Variants in DCC observed in about 807,000 individuals in gnomAD.
DCC encodes the protein DCC netrin 1 receptor.
In DCC, 58 loss-of-function variants were observed where a neutral mutation model predicts 172.5. That is an observed-to-expected ratio of 0.34 (90% CI 0.27 to 0.42). The LOEUF is 0.42. Ranked by LOEUF, DCC falls within the 10% of genes least tolerant of loss-of-function variation. The probability of loss-of-function intolerance (pLI) is 1.00; values close to 1 mark genes in which losing one functional copy is unlikely to be tolerated. For missense variants in DCC, 1,740 were observed against 1,791.0 expected (o/e 0.97, Z 0.51); for synonymous variants, 709 against 644.5 (o/e 1.10, Z -1.52).
chr18:53,232,182 C>A (rs1410645717), intron 12 of DCC, among the ~76,000 whole-genome samples: 4 of 152,056 alleles, frequency 2.6e-5, no homozygotes, highest in Non-Finnish European at 4.4e-5. Context: ...CTGTCAAGGG[C>A]CCCCCTCCCC....
At chr18:52,995,312 A>G (rs1378439007) in intron 5 of DCC, among the ~76,000 whole-genome samples, 1 of 152,156 alleles carries the variant, frequency 6.6e-6, no homozygotes, top group Non-Finnish European at 1.5e-5. Flanking sequence ...CAGCAGATTT[A>G]AAGTCAGCAG....
intron 27 of DCC, among the ~76,000 whole-genome samples, chr18:53,506,187 C>T (rs1011495561): frequency 3.9e-5 from 6 of 151,970 alleles, no homozygotes; most frequent in Non-Finnish European, 5.9e-5. Flanking sequence ...GGTGGACACT[C>T]GAATGTTGGT....
At chr18:53,366,062 G>T (rs967867753) in intron 15 of DCC, among the ~76,000 whole-genome samples, 1 of 147,110 alleles carries the variant, frequency 6.8e-6, no homozygotes, top group African/African-American at 2.5e-5. Flanking sequence ...ATACTTAATT[G>T]TTTTTTTTTT....
At chr18:52,791,836 C>T (rs540617141) in intron 2 of DCC, among the ~76,000 whole-genome samples, 10 of 152,240 alleles carry the variant, frequency 6.6e-5, no homozygotes, top group South Asian at 6.2e-4. Context: ...ACTTAAAATA[C>T]CCTTACTAAT....
At chr18:53,353,763 T>A (rs2057841036) in intron 15 of DCC, among the ~76,000 whole-genome samples, 1 of 152,198 alleles carries the variant, frequency 6.6e-6, no homozygotes, top group Admixed American at 6.5e-5. Flanking sequence ...CTATTGCACT[T>A]GTTCTTTTTT....
chr18:52,968,930 C>T (rs2040978571), intron 5 of DCC, among the ~76,000 whole-genome samples: 1 of 151,958 alleles, frequency 6.6e-6, no homozygotes, highest in Non-Finnish European at 1.5e-5. Flanking sequence ...TCAGGCAACC[C>T]TAAATTTCCC....
intron 1 of DCC, among the ~76,000 whole-genome samples, chr18:52,390,471 T>C (rs1985988692): frequency 6.6e-6 from 1 of 152,078 alleles, no homozygotes; most frequent in Admixed American, 6.5e-5. Flanking sequence ...TCATTGAACA[T>C]TTTTACCCTA....
intron 1 of DCC, among the ~76,000 whole-genome samples, chr18:52,709,246 G>A (rs548241371): frequency 5.9e-5 from 9 of 152,260 alleles, no homozygotes; most frequent in Admixed American, 1.3e-4. Context: ...TGTATAATCC[G>A]TATTTGATAT....
intron 12 of DCC, among the ~76,000 whole-genome samples, chr18:53,268,996 A>G (rs768680645): frequency 1.3e-5 from 2 of 152,188 alleles, no homozygotes; most frequent in South Asian, 2.1e-4. Context: ...AATATTGTCC[A>G]TTAGTGAACA....
At chr18:52,534,695 A>G (rs535975589) in intron 1 of DCC, among the ~76,000 whole-genome samples, 1 of 152,274 alleles carries the variant, frequency 6.6e-6, no homozygotes, top group East Asian at 1.9e-4. Flanking sequence ...TATTTTTAAT[A>G]CTTATTTTCT....
intron 1 of DCC, among the ~76,000 whole-genome samples, chr18:52,725,162 C>T (rs548110072): frequency 1.3e-5 from 2 of 152,270 alleles, no homozygotes; most frequent in East Asian, 3.9e-4. Context: ...GAGGCTCAGG[C>T]ACCTTTTTCA....
At chr18:52,786,984 G>A (rs1223340917) in intron 2 of DCC, among the ~76,000 whole-genome samples, 1 of 152,126 alleles carries the variant, frequency 6.6e-6, no homozygotes, top group African/African-American at 2.4e-5. Flanking sequence ...TAAGTTAAGA[G>A]TACTCACAGA....
intron 1 of DCC, among the ~76,000 whole-genome samples, chr18:52,394,266 GATT>G (rs911725145): frequency 1.3e-5 from 2 of 151,668 alleles, no homozygotes; most frequent in African/African-American, 2.4e-5. Flanking sequence ...TTAGGATGAT[GATT>G]ATTATTATTA....
chr18:53,084,265 T>C (rs2042848075), intron 7 of DCC, among the ~76,000 whole-genome samples: 1 of 152,166 alleles, frequency 6.6e-6, no homozygotes, highest in Non-Finnish European at 1.5e-5. Context: ...ACTCCTATAA[T>C]AACCCATTAA....
At chr18:52,765,968 G>A (rs2037244198) in intron 2 of DCC, among the ~76,000 whole-genome samples, 1 of 152,206 alleles carries the variant, frequency 6.6e-6, no homozygotes, top group Non-Finnish European at 1.5e-5. Context: ...ACATAGTGAA[G>A]CAGGACGTTT....
At chr18:53,206,241 C>A (rs1401952975) in intron 10 of DCC, among the ~76,000 whole-genome samples, 1 of 89,842 alleles carries the variant, frequency 1.1e-5, no homozygotes, top group East Asian at 3.2e-4. Context: ...ATGTGTTATA[C>A]ATAATACATA....
chr18:53,476,297 A>G (rs1223744507), intron 25 of DCC, among the ~76,000 whole-genome samples: 1 of 152,176 alleles, frequency 6.6e-6, no homozygotes, highest in African/African-American at 2.4e-5. Context: ...ATGTGAGAAC[A>G]TTAGAATTGA....
intron 15 of DCC, among the ~76,000 whole-genome samples, chr18:53,365,525 C>A (rs987286998): frequency 6.6e-6 from 1 of 151,432 alleles, no homozygotes; most frequent in Non-Finnish European, 1.5e-5. Context: ...AGATGGGAGC[C>A]CAGTTAGTTC....
chr18:52,657,875 T>C (rs1466374), intron 1 of DCC, among the ~76,000 whole-genome samples: 79,258 of 152,034 alleles, frequency 0.52, 21,562 homozygotes, highest in East Asian at 0.82. Flanking sequence ...ACATATCACT[T>C]AACCTCTCTG....
Sources: gnomAD v4.1 joint callset for allele counts (sites outside exome capture counted in the v4.1 genomes callset) on GRCh38, gnomAD v4.1.1 for gene constraint, MANE v1.5 for transcripts, NCBI Gene and HGNC (gene_info 2026-07-23, HGNC 2026-07-21) for gene names.